FAM184B: variants seen among roughly 807,000 people sequenced by gnomAD.
FAM184B encodes the protein protein FAM184B.
FAM184B carries 111 observed loss-of-function variants against 135.9 expected under a neutral mutation model. That is an observed-to-expected ratio of 0.82 (90% CI 0.70 to 0.96). The LOEUF (loss-of-function observed/expected upper bound fraction) is 0.96, where lower values mean the gene tolerates loss of function less well. Ranked by LOEUF, FAM184B falls within the 40% of genes least tolerant of loss-of-function variation. The probability of loss-of-function intolerance (pLI) is 0.00; values close to 1 mark genes in which losing one functional copy is unlikely to be tolerated. For missense variants in FAM184B, 1,375 were observed against 1,323.9 expected, an observed-to-expected ratio of 1.04 and a Z score of -0.60; for synonymous variants, 552 against 524.8, an observed-to-expected ratio of 1.05 and a Z score of -0.71.
intron 1 of FAM184B, among the ~76,000 whole-genome samples, chr4:17,757,496 T>C (rs1276356374): frequency 6.6e-6 from 1 of 152,202 alleles, no homozygotes; most frequent in Admixed American, 6.5e-5. Context: ...CATTAATTTT[T>C]TTTCAGTGTG....
At chr4:17,635,920 CAATA>C (rs1715111271) in intron 15 of FAM184B, among the ~76,000 whole-genome samples, 1 of 152,082 alleles carries the variant, frequency 6.6e-6, no homozygotes, top group Non-Finnish European at 1.5e-5. Context: ...AGAAGATCAA[CAATA>C]AAAACACTAA....
At chr4:17,688,129 G>T (rs6819132) in intron 7 of FAM184B, among the ~76,000 whole-genome samples, 49,533 of 152,054 alleles carry the variant, frequency 0.33, 8,567 homozygotes, top group South Asian at 0.4. Context: ...GGCCCTGCTC[G>T]AGTTGAGTGC....
chr4:17,639,571 G>A (rs572204282), intron 13 of FAM184B, among the ~76,000 whole-genome samples, 175 bp from the exon 14 acceptor site: 1 of 152,274 alleles, frequency 6.6e-6, no homozygotes, highest in African/African-American at 2.4e-5. Flanking sequence ...GTGGAGTCCA[G>A]GACAAACCCC....
chr4:17,716,452 C>G (rs1717403014), intron 1 of FAM184B, among the ~76,000 whole-genome samples: 1 of 152,090 alleles, frequency 6.6e-6, no homozygotes, highest in Admixed American at 6.6e-5. Flanking sequence ...AAGTGATCCT[C>G]CCACCTCAGC....
chr4:17,739,668 C>G (rs1365931529), intron 1 of FAM184B, among the ~76,000 whole-genome samples: 1 of 144,820 alleles, frequency 6.9e-6, no homozygotes, highest in Admixed American at 7.3e-5. Context: ...GATTCTCCTG[C>G]CTCAGCGTCC....
intron 1 of FAM184B, among the ~76,000 whole-genome samples, chr4:17,754,076 C>A (rs1718365646): frequency 6.6e-6 from 1 of 151,982 alleles, no homozygotes; most frequent in African/African-American, 2.4e-5. Context: ...TGGGGGTGAA[C>A]CAGAAGTCAA....
chr4:17,672,433 T>G (rs1716199248), intron 7 of FAM184B, among the ~76,000 whole-genome samples: 1 of 152,210 alleles, frequency 6.6e-6, no homozygotes, highest in African/African-American at 2.4e-5. Flanking sequence ...TGGGCTTTCT[T>G]GTCTTGTTCT....
chr4:17,698,899 A>G (rs1015059793), intron 5 of FAM184B, among the ~76,000 whole-genome samples: 11 of 152,174 alleles, frequency 7.2e-5, no homozygotes. Context: ...CCAGCATTCA[A>G]TAAAAAATTA....
chr4:17,755,805 G>C (rs1002980642), intron 1 of FAM184B, among the ~76,000 whole-genome samples: 3 of 152,130 alleles, frequency 2.0e-5, no homozygotes, highest in African/African-American at 7.2e-5. Flanking sequence ...AACTAACGCA[G>C]GAACAGAAAA....
rs542233463 is a variant in FAM184B at position 17,684,697 on chromosome 4, TTCTTGCTGCAAC to T, written c.1596+3715_1596+3726del. On this transcript the variant is annotated intron_variant, in intron 7 of 17. Coordinates refer to ENST00000265018, the MANE Select transcript of FAM184B (RefSeq NM_015688.2). ...CAAATGAAACTGATATTTGTCGAGG[TTCTTGCTGCAAC>T]TCTATAGAGGAGGCATCTGCACTTC... Among the ~76,000 whole-genome samples, 83 of 152,272 alleles carry T rather than the reference TTCTTGCTGCAAC, an allele frequency of 5.5e-4. 1 individual carries two copies. The South Asian group carries it at 0.017, about 31-fold the overall frequency.
At chr4:17,640,721 T>C (rs148181210) in intron 13 of FAM184B, among the ~76,000 whole-genome samples, 70 of 152,270 alleles carry the variant, frequency 4.6e-4, no homozygotes, top group African/African-American at 1.2e-3. Flanking sequence ...ACTTAAGAAA[T>C]AGATAATATG....
intron 6 of FAM184B, among the ~76,000 whole-genome samples, chr4:17,692,408 A>G (rs1429850826): frequency 6.6e-6 from 1 of 152,210 alleles, no homozygotes; most frequent in Non-Finnish European, 1.5e-5. Context: ...TTTTTAAAAT[A>G]ATGATTTTAG....
intron 1 of FAM184B, among the ~76,000 whole-genome samples, chr4:17,776,717 G>A (rs1406322911): frequency 1.3e-5 from 2 of 152,076 alleles, no homozygotes; most frequent in African/African-American, 4.8e-5. Flanking sequence ...AATCAGAAAA[G>A]TAAGGTTTTT....
In FAM184B at chr4:17,704,989, G is replaced by A. The variant is rs745705244; in HGVS notation, c.1377+11C>T. On this transcript the variant is annotated intron_variant, in intron 5 of 17. Transcript: ENST00000265018. ...AAGAACCAGAACAGTCTCTATGGAAGTAGGTCTCACCCTCTGCAGTTTCTT... is the reference window on the plus strand; with the variant it reads ...AAGAACCAGAACAGTCTCTATGGAAATAGGTCTCACCCTCTGCAGTTTCTT... 14 of 1,549,800 alleles carry A rather than the reference G, an allele frequency of 9.0e-6. No individual in the cohort carries two copies. In the South Asian group the frequency reaches 1.7e-4, roughly 19 times the overall value.
chr4:17,701,564 T>C (rs1716986230), intron 5 of FAM184B, among the ~76,000 whole-genome samples: 1 of 152,170 alleles, frequency 6.6e-6, no homozygotes, highest in Non-Finnish European at 1.5e-5. Flanking sequence ...CCTCCTCTTA[T>C]TATAGACCTG....
In FAM184B at chr4:17,632,335, A is replaced by T; in HGVS notation, c.*197T>A. On this transcript the variant is annotated 3_prime_UTR_variant, in exon 18 of 18. Transcript: ENST00000265018. ...AGCAGTCCATCTGCCTCAGCCTCCC[A>T]AAGTGATGGGATTACAGGCGTGAGC... 2.5e-6 allele frequency: 1 copy of T among 400,104 alleles called. No homozygotes were observed. The highest frequency in any genetic ancestry group is 3.7e-5 in the Admixed American group (1 of 27,132). The allele number at this position is 400,104 out of a possible 1,614,324, so 24.8% of individuals were successfully genotyped here.
intron 6 of FAM184B, among the ~76,000 whole-genome samples, chr4:17,691,327 A>T (rs1235970371): frequency 6.6e-6 from 1 of 152,140 alleles, no homozygotes; most frequent in Non-Finnish European, 1.5e-5. Context: ...AGTAAATGTA[A>T]ACTTCTTAGA....
intron 7 of FAM184B, among the ~76,000 whole-genome samples, chr4:17,674,327 T>C (rs1400974166): frequency 1.3e-5 from 2 of 152,208 alleles, no homozygotes; most frequent in African/African-American, 4.8e-5. Flanking sequence ...AAGTTATGTT[T>C]ACACTATACT....
intron 1 of FAM184B, among the ~76,000 whole-genome samples, chr4:17,768,030 A>G (rs1407258227): frequency 6.6e-6 from 1 of 152,250 alleles, no homozygotes; most frequent in African/African-American, 2.4e-5. Context: ...ATGAATGGGC[A>G]TGGCTGTGTT....
Sources: gnomAD v4.1 joint callset for allele counts (sites outside exome capture counted in the v4.1 genomes callset) on GRCh38, gnomAD v4.1.1 for gene constraint, MANE v1.5 for transcripts, NCBI Gene and HGNC (gene_info 2026-07-23, HGNC 2026-07-21) for gene names.